MTA3: variants seen among roughly 807,000 people sequenced by gnomAD.
MTA3 encodes the protein metastasis-associated protein MTA3.
Under a neutral mutation model 83.5 loss-of-function variants are expected in MTA3, and 34 were observed. The ratio of observed to expected loss-of-function variants is 0.41; its 90% confidence interval spans 0.31 to 0.54. The LOEUF is 0.54. Ranked by LOEUF, MTA3 falls within the 20% of genes least tolerant of loss-of-function variation. MTA3 has a pLI of 0.33. For synonymous variants in MTA3, 303 were observed against 252.7 expected (o/e 1.20, Z -1.89); for missense variants, 761 against 726.4 (o/e 1.05, Z -0.55).
chr2:42,631,409 G>A (rs931581225), intron 4 of MTA3, among the ~76,000 whole-genome samples: 1 of 152,170 alleles, frequency 6.6e-6, no homozygotes, highest in African/African-American at 2.4e-5. Flanking sequence ...AAGGGCTGAA[G>A]TAGTTTTCTT....
At chr2:42,496,608 GAAAAAA>G (rs35316146) in intron 2 of MTA3, among the ~76,000 whole-genome samples, 26,132 of 122,080 alleles carry the variant, frequency 0.21, 2,411 homozygotes, top group East Asian at 0.33. Flanking sequence ...CAGAACCTAG[GAAAAAA>G]AAAAAAAAAA....
chr2:42,568,568 C>T (rs1409332871), upstream of MTA3: 73 of 318,990 alleles, frequency 2.3e-4, 1 homozygote, highest in Non-Finnish European at 3.5e-4. Flanking sequence ...GCCCCCACCC[C>T]TCGGCGTACC....
chr2:42,652,315 C>T (rs1386121948), intron 6 of MTA3, among the ~76,000 whole-genome samples: 1 of 152,084 alleles, frequency 6.6e-6, no homozygotes, highest in Non-Finnish European at 1.5e-5. Flanking sequence ...CAGAGAAATC[C>T]TGTTTGCATT....
At chr2:42,616,951 T>C (rs1684969601) in intron 4 of MTA3, among the ~76,000 whole-genome samples, 1 of 152,170 alleles carries the variant, frequency 6.6e-6, no homozygotes, top group African/African-American at 2.4e-5. Flanking sequence ...TTTCTTTTTT[T>C]TGCTCACACT....
intron 7 of MTA3, among the ~76,000 whole-genome samples, chr2:42,659,148 T>C (rs1402169010): frequency 6.6e-6 from 1 of 152,154 alleles, no homozygotes; most frequent in African/African-American, 2.4e-5. Flanking sequence ...CAAACATGTT[T>C]AAAATACAGG....
chr2:42,566,229 G>T (rs1677906117), upstream of MTA3, among the ~76,000 whole-genome samples: 1 of 152,088 alleles, frequency 6.6e-6, no homozygotes, highest in South Asian at 2.1e-4. Flanking sequence ...TTTTAAAGGT[G>T]CAGGCTTTCC....
intron 2 of MTA3, among the ~76,000 whole-genome samples, chr2:42,500,814 T>A (rs1397199214): frequency 7.3e-5 from 11 of 149,820 alleles, no homozygotes; most frequent in Admixed American, 7.3e-4. Context: ...TATGAAGCTT[T>A]TTTTTTTTTT....
chr2:42,667,336 T>TA (rs1353893817), intron 8 of MTA3, among the ~76,000 whole-genome samples: 1 of 152,136 alleles, frequency 6.6e-6, no homozygotes, highest in Non-Finnish European at 1.5e-5. Context: ...TGGTAACTAT[T>TA]ACCACCATCC....
intron 2 of MTA3, among the ~76,000 whole-genome samples, chr2:42,518,985 A>T (rs1425324956): frequency 2.2e-5 from 1 of 44,884 alleles, no homozygotes; most frequent in Non-Finnish European, 4.6e-5. Context: ...ACACACACAC[A>T]CACACACACA....
At chr2:42,561,445 T>C (rs1351513521) in intron 2 of MTA3, among the ~76,000 whole-genome samples, 2 of 151,984 alleles carry the variant, frequency 1.3e-5, no homozygotes, top group African/African-American at 4.8e-5. Context: ...GCCTCAGCCT[T>C]CTGAGTAGTT....
intron 15 of MTA3, 90 bp from the exon 16 acceptor site, chr2:42,722,799 G>T: frequency 7.0e-7 from 1 of 1,430,276 alleles, no homozygotes. Flanking sequence ...AGCTCATTAA[G>T]AAATAAGATG....
intron 4 of MTA3, among the ~76,000 whole-genome samples, chr2:42,625,856 C>A (rs1262859951): frequency 2.7e-5 from 4 of 149,252 alleles, no homozygotes; most frequent in African/African-American, 7.4e-5. Flanking sequence ...TAAATTGTTT[C>A]TTCAAGTTCA....
intron 11 of MTA3, among the ~76,000 whole-genome samples, chr2:42,699,679 G>C (rs577461655): frequency 9.2e-5 from 14 of 152,266 alleles, no homozygotes; most frequent in Admixed American, 7.8e-4. Flanking sequence ...CTGGCACAGT[G>C]AAGTGGGTTG....
chr2:42,626,208 G>T (rs767097239), intron 4 of MTA3, among the ~76,000 whole-genome samples: 1 of 150,790 alleles, frequency 6.6e-6, no homozygotes. Flanking sequence ...CTCCCAAAGT[G>T]CTGGGATTAC....
intron 16 of MTA3, among the ~76,000 whole-genome samples, chr2:42,729,091 T>G (rs1457157635): frequency 9.2e-6 from 1 of 109,048 alleles, no homozygotes; most frequent in African/African-American, 4.1e-5. Flanking sequence ...TTTGAGTTTT[T>G]TTTTTTTTTT....
intron 2 of MTA3, among the ~76,000 whole-genome samples, chr2:42,561,232 C>G (rs1287924949): frequency 6.6e-6 from 1 of 152,162 alleles, no homozygotes; most frequent in Non-Finnish European, 1.5e-5. Context: ...AAGGCCTTCC[C>G]TTACCACCAT....
At chr2:42,627,869 T>C (rs974402205) in intron 4 of MTA3, among the ~76,000 whole-genome samples, 1 of 151,590 alleles carries the variant, frequency 6.6e-6, no homozygotes, top group African/African-American at 2.4e-5. Flanking sequence ...TGAGCCACCA[T>C]TCCCTGCCAG....
intron 2 of MTA3, among the ~76,000 whole-genome samples, chr2:42,539,431 T>C (rs1381418154): frequency 6.6e-6 from 1 of 151,974 alleles, no homozygotes; most frequent in Middle Eastern, 3.2e-3. Context: ...GAGAACTTAC[T>C]ATCACGAGAA....
chr2:42,751,507 G>C (rs926950556), intron 16 of MTA3, among the ~76,000 whole-genome samples: 2 of 152,166 alleles, frequency 1.3e-5, no homozygotes, highest in Non-Finnish European at 2.9e-5. Context: ...GCTCTGAGCA[G>C]AGGAGAGTGA....
Sources: gnomAD v4.1 joint callset for allele counts (sites outside exome capture counted in the v4.1 genomes callset) on GRCh38, gnomAD v4.1.1 for gene constraint, MANE v1.5 for transcripts, NCBI Gene and HGNC (gene_info 2026-07-23, HGNC 2026-07-21) for gene names.